KCNQ5: variants seen among roughly 807,000 people sequenced by gnomAD.
The protein encoded by KCNQ5 is potassium voltage-gated channel subfamily KQT member 5.
Under a neutral mutation model 98.2 loss-of-function variants are expected in KCNQ5, and 30 were observed. That is an observed-to-expected ratio of 0.31 (90% CI 0.23 to 0.41). KCNQ5 has a LOEUF of 0.41. Among genes scored for constraint, KCNQ5 ranks in the 10% least tolerant of loss-of-function variants. The pLI, the probability that KCNQ5 is intolerant of heterozygous loss-of-function variation, is 1.00. For missense variants in KCNQ5, 835 were observed against 1,182.5 expected (o/e 0.71, Z 4.31); for synonymous variants, 458 against 449.4 (o/e 1.02, Z -0.24).
intron 1 of KCNQ5, among the ~76,000 whole-genome samples, chr6:72,937,935 A>G (rs1475761042): frequency 6.6e-6 from 1 of 152,184 alleles, no homozygotes; most frequent in African/African-American, 2.4e-5. Context: ...TATGTAGTCA[A>G]AAGGCTTTAT....
intron 1 of KCNQ5, among the ~76,000 whole-genome samples, chr6:72,699,542 T>C (rs916724852): frequency 2.6e-5 from 4 of 152,224 alleles, no homozygotes; most frequent in African/African-American, 7.2e-5. Flanking sequence ...ACTTGGCTGC[T>C]TATATCAAGT....
chr6:72,841,997 G>C (rs756473381), intron 1 of KCNQ5, among the ~76,000 whole-genome samples: 7 of 152,100 alleles, frequency 4.6e-5, no homozygotes, highest in Non-Finnish European at 2.9e-5. Flanking sequence ...TGCACATAAA[G>C]TATAAAAGTA....
At chr6:72,956,274 CAGA>C (rs1319942294) in intron 1 of KCNQ5, among the ~76,000 whole-genome samples, 1 of 152,122 alleles carries the variant, frequency 6.6e-6, no homozygotes. Context: ...AGTCAGTTAT[CAGA>C]AGAAGAAAAG....
intron 1 of KCNQ5, among the ~76,000 whole-genome samples, chr6:72,914,605 ATAAATT>A (rs1243038700): frequency 6.7e-6 from 1 of 149,466 alleles, no homozygotes; most frequent in Non-Finnish European, 1.5e-5. Context: ...ATGTGAAAAT[ATAAATT>A]TAAATTTAAA....
chr6:72,651,406 A>G (rs1286050333), intron 1 of KCNQ5, among the ~76,000 whole-genome samples: 1 of 152,114 alleles, frequency 6.6e-6, no homozygotes, highest in Non-Finnish European at 1.5e-5. Context: ...AGCAGAAAAA[A>G]TGCAATACAT....
At chr6:72,857,412 C>T (rs1777577767) in intron 1 of KCNQ5, among the ~76,000 whole-genome samples, 1 of 152,060 alleles carries the variant, frequency 6.6e-6, no homozygotes, top group African/African-American at 2.4e-5. Flanking sequence ...TTTCAATTTT[C>T]AGGCATTTTC....
intron 1 of KCNQ5, among the ~76,000 whole-genome samples, chr6:72,961,361 A>T (rs1200937241): frequency 1.3e-5 from 2 of 152,174 alleles, no homozygotes. Context: ...TCACGCCTGT[A>T]ATCCCAGCAC....
chr6:73,059,974 C>A (rs1227185186), intron 3 of KCNQ5, among the ~76,000 whole-genome samples: 1 of 152,056 alleles, frequency 6.6e-6, no homozygotes, highest in African/African-American at 2.4e-5. Context: ...ATTATACTTT[C>A]CTGCTAAAAG....
At chr6:73,060,079 G>A (rs1185753977) in intron 3 of KCNQ5, among the ~76,000 whole-genome samples, 1 of 151,642 alleles carries the variant, frequency 6.6e-6, no homozygotes, top group East Asian at 1.9e-4. Context: ...GCTTTATAGA[G>A]AGTTGGGTCC....
chr6:72,978,459 T>G (rs907170022), intron 1 of KCNQ5, among the ~76,000 whole-genome samples: 21 of 152,244 alleles, frequency 1.4e-4, no homozygotes, highest in African/African-American at 4.3e-4. Context: ...TTATTTATTT[T>G]GACAGGCCAA....
In KCNQ5 at chr6:73,196,923, T is replaced by C. The variant is rs936789129; in HGVS notation, c.*1509T>C. 6.6e-6 allele frequency: 1 copy of C among 151,934 alleles called. No homozygotes were observed. The highest frequency in any genetic ancestry group is 1.5e-5 in the Non-Finnish European group (1 of 67,988). The allele number at this position is 151,934 out of a possible 1,614,324, so 9.4% of individuals were successfully genotyped here. The stretch of plus-strand genomic sequence containing the variant: ...GTCACCAGAACTTCAGCCAACGTAA[T>C]GACATTCAAAAAAAAAGGACATAAG... On this transcript the variant is annotated 3_prime_UTR_variant, in exon 14 of 14. Transcript: ENST00000370398.
chr6:72,686,267 A>G (rs986103576), intron 1 of KCNQ5, among the ~76,000 whole-genome samples: 38 of 152,354 alleles, frequency 2.5e-4, no homozygotes, highest in African/African-American at 8.7e-4. Flanking sequence ...CGTTTCCAAT[A>G]TAAGAAAGAG....
chr6:72,879,162 G>T (rs375403379), intron 1 of KCNQ5, among the ~76,000 whole-genome samples: 12 of 152,120 alleles, frequency 7.9e-5, no homozygotes, highest in African/African-American at 2.6e-4. Context: ...TATAGGTTCT[G>T]CTCACTTTTA....
chr6:73,158,877 T>C (rs1777497525), intron 10 of KCNQ5, among the ~76,000 whole-genome samples: 1 of 152,232 alleles, frequency 6.6e-6, no homozygotes, highest in African/African-American at 2.4e-5. Context: ...TTTTCAGAGC[T>C]GTGTAGTACA....
intron 1 of KCNQ5, among the ~76,000 whole-genome samples, chr6:72,803,520 A>G (rs1010391058): frequency 1.3e-5 from 2 of 152,190 alleles, no homozygotes; most frequent in African/African-American, 4.8e-5. Context: ...TGTCCACACC[A>G]GAATATTCCC....
Position 73,090,163 on chromosome 6 carries a change from C to T in KCNQ5, c.918+12276C>T, listed in dbSNP as rs142356351. 4.3e-4 allele frequency among the ~76,000 whole-genome samples: 65 copies of T among 152,132 alleles called. 1 individual carries two copies. In the East Asian group the frequency reaches 0.012, roughly 28 times the overall value. ...TCATTTGCATTTCCCTGATCATTAG[C>T]GATGTTGAGCATTTTTTCATGTGTC... is the stretch of plus-strand genomic sequence containing the variant. On this transcript the variant is annotated intron_variant, in intron 5 of 13. Transcript: ENST00000370398.
At position 73,111,376 on chromosome 6, in the gene KCNQ5, A is replaced by G. The variant is rs149249368; in HGVS notation, c.1098A>G (p.Arg366=). The part of the protein sequence containing the change: ...EQHRQKHFEK[R]RNPAANLIQC... The stretch of plus-strand genomic sequence containing the variant: ...ACCGCCAGAAACACTTTGAGAAAAG[A>G]AGGAACCCAGCTGCCAACCTCATTC... The change falls in exon 7 of 14, where the codon AGA becomes AGG. Residue 366 remains arginine (R), a synonymous_variant. Coordinates refer to ENST00000370398, the MANE Select transcript of KCNQ5 (RefSeq NM_019842.4). The G allele has an allele frequency of 8.1e-6, 13 of 1,611,126 alleles. No individual in the cohort carries two copies. The highest frequency in any genetic ancestry group is 1.1e-5 in the Non-Finnish European group (13 of 1,179,238).
At chr6:73,055,535 C>G in intron 3 of KCNQ5, 1 of 1,492,926 alleles carries the variant, frequency 6.7e-7, no homozygotes, top group South Asian at 1.1e-5. Flanking sequence ...AGAAAATCAC[C>G]TACCCTCCTG....
chr6:72,726,925 T>C (rs1770314149), intron 1 of KCNQ5, among the ~76,000 whole-genome samples: 1 of 152,196 alleles, frequency 6.6e-6, no homozygotes. Context: ...CACTGCAGCC[T>C]TAACCTCCTA....
Sources: gnomAD v4.1 joint callset for allele counts (sites outside exome capture counted in the v4.1 genomes callset) on GRCh38, gnomAD v4.1.1 for gene constraint, MANE v1.5 for transcripts, NCBI Gene and HGNC (gene_info 2026-07-23, HGNC 2026-07-21) for gene names.